The following CTCFL variants were observed in gnomAD, a reference collection of about 807,000 sequenced individuals.
CTCFL encodes the protein transcriptional repressor CTCFL.
CTCFL carries 36 observed loss-of-function variants against 67.4 expected under a neutral mutation model. That is an observed-to-expected ratio of 0.53 (90% CI 0.41 to 0.71). The LOEUF is 0.71. CTCFL is among the 30% of genes least tolerant of loss of function. The pLI, the probability that CTCFL is intolerant of heterozygous loss-of-function variation, is 0.00. For synonymous variants in CTCFL, 324 were observed against 302.3 expected, an observed-to-expected ratio of 1.07 and a Z score of -0.75; for missense variants, 786 against 835.2, an observed-to-expected ratio of 0.94 and a Z score of 0.73.
At chr20:57,503,666 C>T in intron 9 of CTCFL, 65 bp from the exon 10 acceptor site, 1 of 1,527,158 alleles carries the variant, frequency 6.5e-7, no homozygotes, top group East Asian at 2.3e-5. Context: ...CTCTCAGGGG[C>T]CTGTGGGGAC....
chr20:57,515,833 G>A lies in CTCFL; in HGVS notation c.1061C>T (p.Ala354Val). 1 of 1,607,538 alleles carries A rather than the reference G, an allele frequency of 6.2e-7. No homozygotes were observed. Among genetic ancestry groups the A allele is most frequent in the Non-Finnish European group, 8.5e-7 (1 of 1,177,650 alleles). The stretch of plus-strand genomic sequence containing the variant: ...TCGGACATGGCGCTTCAATTTACTT[G>A]CCTAATAAATACATAAATGATGTTC... The part of the protein sequence containing the change: ...CSMCKYASVE[A>V]SKLKRHVRSH... Residue 354 changes from alanine (A) to valine (V), a missense_variant and splice_region_variant, in exon 6 of 11, where the codon GCA becomes GTA. By Grantham distance (64) the Ala-to-Val change is moderately conservative. This residue lies in a region of CTCFL where 254 missense variants were observed against 333.9 expected (regional missense o/e 0.76). Coordinates refer to ENST00000243914, the MANE Select transcript of CTCFL (RefSeq NM_001386993.1).
In CTCFL at chr20:57,512,765, C is replaced by G; in HGVS notation, c.1331-13G>C. ...CGCATATGCACACCTAAAATGGTCA[C>G]AGAACATTATATACTTCAAGAGTGT... On this transcript the variant is annotated splice_polypyrimidine_tract_variant and intron_variant, in intron 7 of 10. Coordinates refer to ENST00000243914, the MANE Select transcript of CTCFL (RefSeq NM_001386993.1). 6.2e-7 allele frequency: 1 copy of G among 1,613,378 alleles called. No individual in the cohort carries two copies. Among genetic ancestry groups the G allele is most frequent in the Non-Finnish European group, 8.5e-7 (1 of 1,179,324 alleles).
At position 57,524,664 on chromosome 20, in the gene CTCFL, G is replaced by GC. The variant is rs1170324418; in HGVS notation, c.-12+363dup. 3 of 1,004,022 alleles carry GC rather than the reference G, an allele frequency of 3.0e-6. No homozygotes were observed. The African/African-American group carries it at 5.2e-5, about 17-fold the overall frequency. 62.2% of individuals were successfully genotyped at this position (1,004,022 alleles called of 1,614,324 possible). On this transcript the variant is annotated intron_variant, in intron 1 of 10. Transcript: ENST00000243914. Reference sequence around the variant, plus strand: ...CCTAGCAAGTTTCAGGTCCAAGCAGGCCCCGGGCCAGTGCACACCCGGCGC... The same window carrying GC: ...CCTAGCAAGTTTCAGGTCCAAGCAGGCCCCCGGGCCAGTGCACACCCGGCGC...
chr20:57,498,598 C>G lies in CTCFL; in HGVS notation c.1944G>C (p.Val648=). 2 of 1,614,022 alleles carry G rather than the reference C, an allele frequency of 1.2e-6. No homozygotes were observed. Among genetic ancestry groups the G allele is most frequent in the Admixed American group, 3.3e-5 (2 of 60,002 alleles). ...RETTARVKEE[V]DEGVTCEMLL... is the part of the protein sequence containing the mutation. ...GCATTTCACAGGTCACGCCTTCATC[C>G]ACTTCCTCTTTGACTCTGGCTGTGG... is the stretch of plus-strand genomic sequence containing the variant. Residue 648 remains valine (V), a synonymous_variant, in exon 11 of 11, where the codon GTG becomes GTC. Coordinates refer to ENST00000243914, the MANE Select transcript of CTCFL (RefSeq NM_001386993.1).
intron 7 of CTCFL, chr20:57,513,554 A>G: frequency 1.7e-5 from 19 of 1,110,378 alleles, no homozygotes; most frequent in Non-Finnish European, 2.1e-5. Flanking sequence ...GATATAAACC[A>G]TGTTACTTTG....
At chr20:57,513,527 C>G (rs754184989) in intron 7 of CTCFL, 12 of 1,065,690 alleles carry the variant, frequency 1.1e-5, no homozygotes, top group South Asian at 8.3e-5. Context: ...GAGTGTATCA[C>G]CCACTGGCAT....
intron 8 of CTCFL, among the ~76,000 whole-genome samples, chr20:57,511,014 A>G (rs2146347875): frequency 6.6e-6 from 1 of 152,274 alleles, no homozygotes; most frequent in African/African-American, 2.4e-5. Flanking sequence ...AACTGTGGGC[A>G]TTCTTCTCTG....
intron 7 of CTCFL, among the ~76,000 whole-genome samples, chr20:57,514,372 C>G (rs1207213075): frequency 6.6e-6 from 1 of 152,190 alleles, no homozygotes; most frequent in Non-Finnish European, 1.5e-5. Flanking sequence ...GCATACGGAA[C>G]AGGCCTGGGC....
At chr20:57,506,650 A>G (rs1292784355) in intron 9 of CTCFL, 2 of 307,302 alleles carry the variant, frequency 6.5e-6, no homozygotes, top group Non-Finnish European at 9.5e-6. Context: ...TTACTGAGTT[A>G]TAAGAGTTCT....
chr20:57,506,143 T>A (rs1411525249), intron 9 of CTCFL, among the ~76,000 whole-genome samples: 1 of 152,220 alleles, frequency 6.6e-6, no homozygotes, highest in Non-Finnish European at 1.5e-5. Flanking sequence ...CCATGTCTAT[T>A]CATTTACACA....
intron 1 of CTCFL, 40 bp from the exon 2 acceptor site, chr20:57,524,256 A>G: frequency 6.5e-7 from 1 of 1,534,718 alleles, no homozygotes; most frequent in Non-Finnish European, 8.8e-7. Context: ...TAGGGGGGAG[A>G]AGGGGGTGGT....
Position 57,508,702 on chromosome 20 carries a change from C to G in CTCFL, c.1578G>C (p.Lys526Asn). Reference protein sequence around the residue: ...CLSCNKCFRQKQLLNAHFRKY... With the variant: ...CLSCNKCFRQNQLLNAHFRKY... ...TCCTGAAGTGAGCGTTTAGAAGTTG[C>G]TTCTGTCGGAAACATTTATTGCAAG... is the stretch of plus-strand genomic sequence containing the variant. Residue 526 changes from lysine to asparagine, a missense_variant, in exon 9 of 11, where the codon AAG becomes AAC. Physicochemically the swap from Lys to Asn is moderately conservative, Grantham distance 94 (BLOSUM62 0). Coordinates refer to ENST00000243914, the MANE Select transcript of CTCFL (RefSeq NM_001386993.1). 1 of 1,614,130 alleles carries G rather than the reference C, an allele frequency of 6.2e-7. No individual in the cohort carries two copies. The highest frequency in any genetic ancestry group is 2.2e-5 in the East Asian group (1 of 44,876).
chr20:57,506,313 G>GT (rs113400862), intron 9 of CTCFL, among the ~76,000 whole-genome samples: 15,416 of 152,062 alleles, frequency 0.1, 869 homozygotes, highest in Middle Eastern at 0.16. Context: ...GTTTTGTTTT[G>GT]TTTTTTTCCT....
At chr20:57,524,287 T>C in intron 1 of CTCFL, 71 bp from the exon 2 acceptor site, 2 of 1,513,954 alleles carry the variant, frequency 1.3e-6, no homozygotes, top group South Asian at 1.3e-5. Context: ...ATGCGGGGGG[T>C]GCTGGAACCT....
intron 1 of CTCFL, chr20:57,524,724 C>A: frequency 1.0e-6 from 1 of 997,592 alleles, no homozygotes; most frequent in Non-Finnish European, 1.2e-6. Flanking sequence ...GCATTCCCCT[C>A]GTGCACGGTT....
intron 3 of CTCFL, among the ~76,000 whole-genome samples, chr20:57,520,926 C>T (rs2069306723): frequency 6.6e-6 from 1 of 152,050 alleles, no homozygotes; most frequent in African/African-American, 2.4e-5. Flanking sequence ...TGACTGGTGT[C>T]CTTATAAGAA....
chr20:57,523,424 C>G, intron 2 of CTCFL, 146 bp from the exon 3 acceptor site: 1 of 968,640 alleles, frequency 1.0e-6, no homozygotes, highest in Admixed American at 2.8e-5. Flanking sequence ...AGGGTTGTGG[C>G]AGTGAAACTT....
At chr20:57,504,557 C>T (rs1016477334) in intron 9 of CTCFL, among the ~76,000 whole-genome samples, 1 of 151,844 alleles carries the variant, frequency 6.6e-6, no homozygotes, top group Non-Finnish European at 1.5e-5. Flanking sequence ...GCTGAGATTA[C>T]AGGCGTGAGC....
Position 57,498,907 on chromosome 20 carries a change from G to T in CTCFL, c.1841-206C>A, listed in dbSNP as rs550756942. On this transcript the variant is annotated intron_variant, in intron 10 of 10. Transcript: ENST00000243914. ...GCTTCTTAGCCTCAGCGCTACAGAC[G>T]TTTGGGGCCAGAGAGCTGTCTGCTG... Among the ~76,000 whole-genome samples the T allele has an allele frequency of 2.0e-4, 31 of 152,216 alleles. No homozygotes were observed. In the East Asian group the frequency reaches 5.6e-3, roughly 27 times the overall value.
Sources: gnomAD v4.1 joint callset for allele counts (sites outside exome capture counted in the v4.1 genomes callset) on GRCh38, gnomAD v4.1.1 for gene constraint, gnomAD v4.1.1 regional missense constraint, MANE v1.5 for transcripts, NCBI Gene and HGNC (gene_info 2026-07-23, HGNC 2026-07-21) for gene names.